Variants in C11orf65 observed in about 807,000 individuals in gnomAD.
C11orf65 encodes chromosome 11 open reading frame 65.
C11orf65 carries 38 observed loss-of-function variants against 35.3 expected under a neutral mutation model. The observed-to-expected ratio is 1.08, with a 90% CI of 0.83 to 1.41. The LOEUF (loss-of-function observed/expected upper bound fraction) is 1.41. Ranked by LOEUF, C11orf65 falls within the 40% of genes most tolerant of loss-of-function variation. The probability of loss-of-function intolerance (pLI) is 0.00; values close to 1 mark genes in which losing one functional copy is unlikely to be tolerated. For synonymous variants in C11orf65, 105 were observed against 114.4 expected, an observed-to-expected ratio of 0.92 and a Z score of 0.53; for missense variants, 370 against 367.1, an observed-to-expected ratio of 1.01 and a Z score of -0.06.
chr11:108,460,753 G>GTTGTTGTTTTGAAATGTTAAAAAAGT (rs2093463943), intron 2 of C11orf65, among the ~76,000 whole-genome samples: 3 of 151,830 alleles, frequency 2.0e-5, no homozygotes, highest in Non-Finnish European at 4.4e-5. Context: ...TGTTGTTGTT[G>GTTGTTGTTTTGAAATGTTAAAAAAGT]CTGCTGCTGC....
chr11:108,370,285 AGTAAC>A (rs1475405142), intron 2 of C11orf65, among the ~76,000 whole-genome samples: 2 of 152,048 alleles, frequency 1.3e-5, no homozygotes, highest in Non-Finnish European at 2.9e-5. Context: ...TTTTCTATCC[AGTAAC>A]CACAGTAAGC....
intron 2 of C11orf65, among the ~76,000 whole-genome samples, chr11:108,357,620 C>T (rs573783708): frequency 1.3e-5 from 2 of 152,292 alleles, no homozygotes; most frequent in South Asian, 2.1e-4. Context: ...ACTGCCTCCT[C>T]AAGTGGGTTC....
At chr11:108,327,962 G>A (rs2085850796), downstream of C11orf65, among the ~76,000 whole-genome samples, 1 of 152,164 alleles carries the variant, frequency 6.6e-6, no homozygotes, top group Non-Finnish European at 1.5e-5. Flanking sequence ...GTAAGCCCAA[G>A]TATAGTATCT....
chr11:108,407,269 C>A lies in C11orf65; in HGVS notation c.175-120G>T, dbSNP rs1210751562. ...AATATTGACTATTTAGGAAATCAGT[C>A]AGGTGAACCAACCTCAAATAATCAA... On this transcript the variant is annotated intron_variant, in intron 3 of 8. Transcript: ENST00000393084. 5.2e-6 allele frequency: 4 copies of A among 762,756 alleles called. No individual in the cohort carries two copies. The East Asian group carries it at 9.1e-5, about 17-fold the overall frequency. 47.2% of individuals were successfully genotyped at this position (762,756 alleles called of 1,614,324 possible). A position where few individuals can be genotyped will look rare whatever the true frequency, so the allele number is the denominator to read the frequency against.
intron 2 of C11orf65, among the ~76,000 whole-genome samples, chr11:108,460,574 TAA>T (rs1190655054): frequency 1.3e-5 from 2 of 152,174 alleles, no homozygotes; most frequent in East Asian, 1.9e-4. Flanking sequence ...AGTCAAGAAA[TAA>T]AGTGTTGAGA....
intron 2 of C11orf65, among the ~76,000 whole-genome samples, chr11:108,376,314 A>G (rs1430557903): frequency 2.0e-5 from 3 of 152,156 alleles, no homozygotes; most frequent in Non-Finnish European, 4.4e-5. Flanking sequence ...ACTAGAACTC[A>G]GGATTAAGAA....
downstream of C11orf65, among the ~76,000 whole-genome samples, chr11:108,381,030 T>C (rs976661728): frequency 1.3e-5 from 2 of 152,218 alleles, no homozygotes; most frequent in African/African-American, 4.8e-5. Context: ...ACTATTAGAA[T>C]GTTAAATTGG....
intron 2 of C11orf65, among the ~76,000 whole-genome samples, chr11:108,441,757 G>C (rs1039458121): frequency 6.6e-6 from 1 of 152,192 alleles, no homozygotes; most frequent in African/African-American, 2.4e-5. Flanking sequence ...TGCAGCTGCG[G>C]GTCCTATTAG....
At chr11:108,395,628 T>TC (rs2092290457) in intron 6 of C11orf65, among the ~76,000 whole-genome samples, 1 of 125,358 alleles carries the variant, frequency 8.0e-6, no homozygotes, top group African/African-American at 3.1e-5. Context: ...AAATTTTTTT[T>TC]TTTTTTTTTT....
At chr11:108,405,890 T>C (rs2092531477) in intron 5 of C11orf65, among the ~76,000 whole-genome samples, 1 of 152,210 alleles carries the variant, frequency 6.6e-6, no homozygotes. Flanking sequence ...TGGCTTTTGA[T>C]GACTCTAATC....
At chr11:108,433,817 G>A (rs1329684012) in intron 2 of C11orf65, among the ~76,000 whole-genome samples, 1 of 151,922 alleles carries the variant, frequency 6.6e-6, no homozygotes, top group Non-Finnish European at 1.5e-5. Context: ...GTACAGAGAG[G>A]AAGGGAAATC....
chr11:108,429,036 A>ATGTGG (rs2092948918), intron 3 of C11orf65, among the ~76,000 whole-genome samples: 1 of 152,130 alleles, frequency 6.6e-6, no homozygotes, highest in Admixed American at 6.5e-5. Context: ...TGCTCCAGCT[A>ATGTGG]CTTGTGAGGC....
upstream of C11orf65, among the ~76,000 whole-genome samples, chr11:108,469,272 C>T (rs570412440): frequency 3.6e-4 from 54 of 150,944 alleles, no homozygotes; most frequent in South Asian, 0.011. Context: ...CTTAAGTCCA[C>T]TGAATTGTAC....
At chr11:108,326,898 T>A (rs1217446050), downstream of C11orf65, among the ~76,000 whole-genome samples, 2 of 152,212 alleles carry the variant, frequency 1.3e-5, 1 homozygote, top group African/African-American at 4.8e-5. Flanking sequence ...CGACATCGGC[T>A]CACCGCAACC....
chr11:108,399,262 A>T (rs2092389496), intron 6 of C11orf65, among the ~76,000 whole-genome samples: 1 of 152,222 alleles, frequency 6.6e-6, no homozygotes, highest in African/African-American at 2.4e-5. Flanking sequence ...TATATTTTGT[A>T]TCCATTATGA....
intron 3 of C11orf65, among the ~76,000 whole-genome samples, chr11:108,420,559 A>C (rs1367207331): frequency 6.6e-6 from 1 of 152,322 alleles, no homozygotes; most frequent in East Asian, 1.9e-4. Flanking sequence ...CAATTAGGGT[A>C]GAAACTGAAG....
chr11:108,459,967 A>G (rs2093453643), intron 2 of C11orf65, among the ~76,000 whole-genome samples: 2 of 152,128 alleles, frequency 1.3e-5, no homozygotes, highest in Non-Finnish European at 2.9e-5. Context: ...CTAAGGAAGA[A>G]TAAGTTTTAA....
At chr11:108,376,720 A>C (rs369047607) in intron 2 of C11orf65, among the ~76,000 whole-genome samples, 5 of 152,108 alleles carry the variant, frequency 3.3e-5, no homozygotes, top group Non-Finnish European at 7.4e-5. Flanking sequence ...CAACAAAATT[A>C]ATAGACCGCT....
chr11:108,344,109 T>C (rs2087967530), intron 2 of C11orf65, among the ~76,000 whole-genome samples: 1 of 152,220 alleles, frequency 6.6e-6, no homozygotes, highest in Admixed American at 6.5e-5. Context: ...AATCCATTTA[T>C]TGTTCATTTT....
Sources: gnomAD v4.1 joint callset for allele counts (sites outside exome capture counted in the v4.1 genomes callset) on GRCh38, gnomAD v4.1.1 for gene constraint, MANE v1.5 for transcripts, NCBI Gene and HGNC (gene_info 2026-07-23, HGNC 2026-07-21) for gene names.